Variants in STIL observed in about 807,000 individuals in gnomAD.
STIL encodes the protein STIL centriolar assembly protein, also known as SCL-interrupting locus protein.
In STIL, 55 loss-of-function variants were observed where a neutral mutation model predicts 110.1. The ratio of observed to expected loss-of-function variants is 0.50; its 90% CI spans 0.40 to 0.63. STIL has a LOEUF of 0.63. Among genes scored for constraint, STIL ranks in the 20% least tolerant of loss-of-function variants. The pLI is 0.00. For synonymous variants in STIL, 481 were observed against 530.0 expected, an observed-to-expected ratio of 0.91 and a Z score of 1.27; for missense variants, 1,358 against 1,530.0, an observed-to-expected ratio of 0.89 and a Z score of 1.87.
At chr1:47,252,264 C>T (rs1644205901) in intron 16 of STIL, among the ~76,000 whole-genome samples, 1 of 152,106 alleles carries the variant, frequency 6.6e-6, no homozygotes, top group African/African-American at 2.4e-5. Context: ...CATTTATAGT[C>T]CCAACTACTC....
intron 13 of STIL, among the ~76,000 whole-genome samples, chr1:47,270,951 T>C (rs937982748): frequency 5.3e-5 from 8 of 152,144 alleles, no homozygotes; most frequent in Non-Finnish European, 8.8e-5. Context: ...AGTGCAAACA[T>C]TATAGGCATG....
At chr1:47,286,852 G>C (rs1390332643) in intron 10 of STIL, among the ~76,000 whole-genome samples, 1 of 152,044 alleles carries the variant, frequency 6.6e-6, no homozygotes, top group African/African-American at 2.4e-5. Flanking sequence ...TTTCCTATGT[G>C]ATTTCTCTAC....
At chr1:47,255,058 G>C (rs2148660727) in intron 16 of STIL, among the ~76,000 whole-genome samples, 1 of 151,808 alleles carries the variant, frequency 6.6e-6, no homozygotes, top group East Asian at 1.9e-4. Flanking sequence ...TCAGGAGCCT[G>C]AGGCAGGAGG....
rs1220143025 is a variant in STIL at position 47,300,056 on chromosome 1, C to T, written c.550G>A (p.Val184Met). The T allele has an allele frequency of 6.2e-7, 1 of 1,614,146 alleles. No homozygotes were observed. Among genetic ancestry groups the T allele is most frequent in the Admixed American group, 1.7e-5 (1 of 60,006 alleles). ...HITSRESLDS[V>M]EFDLHWAAVT... ...GCTGCCCAATGCAAGTCAAATTCCA[C>T]ACTGTCCAAACTCTCCCTGGAAGTG... Residue 184 changes from valine (V) to methionine (M), a missense_variant, in exon 6 of 17, where the codon GTG becomes ATG. Physicochemically the swap from Val to Met is conservative, Grantham distance 21. Coordinates refer to ENST00000371877, the MANE Select transcript of STIL (RefSeq NM_001048166.1).
chr1:47,306,529 T>A (rs1645966186), intron 2 of STIL, among the ~76,000 whole-genome samples: 2 of 152,240 alleles, frequency 1.3e-5, no homozygotes, highest in South Asian at 4.1e-4. Context: ...ACTGGGATTA[T>A]AGGCATGAGC....
intron 14 of STIL, among the ~76,000 whole-genome samples, chr1:47,269,088 CAAAA>C (rs60406768): frequency 1.8e-5 from 2 of 108,334 alleles, no homozygotes; most frequent in Non-Finnish European, 1.9e-5. Flanking sequence ...GGGACTCCGT[CAAAA>C]AAAAAAAAAA....
intron 16 of STIL, among the ~76,000 whole-genome samples, chr1:47,254,113 G>A (rs545285463): frequency 4.2e-4 from 62 of 146,990 alleles, no homozygotes; most frequent in Middle Eastern, 3.7e-3. Flanking sequence ...CACAGGAGGC[G>A]GAGGTTGCAG....
rs142111425 is a variant in STIL, at chr1:47,252,110, G to C, written c.3081-188C>G. On this transcript the variant is annotated intron_variant, in intron 16 of 16. Transcript: ENST00000371877. ...AAAGGATACATATGGGCTGGGTATA[G>C]TGGCCCAAGCCTCCAATCCCAGCAG... Among the ~76,000 whole-genome samples, 227 of 152,366 alleles carry C rather than the reference G, an allele frequency of 1.5e-3. 1 individual carries two copies. Among genetic ancestry groups the C allele is most frequent in the African/African-American group, 5.3e-3 (222 of 41,588 alleles).
rs1378603897 is a variant in STIL at position 47,272,794 on chromosome 1, T to C, written c.2218-553A>G. On this transcript the variant is annotated intron_variant, in intron 12 of 16. Coordinates refer to ENST00000371877, the MANE Select transcript of STIL (RefSeq NM_001048166.1). ...CATGTAAAAAAGTGTGAATGGTTAA[T>C]ACTTCAAACTAACATTATATTCCTA... Among the ~76,000 whole-genome samples the C allele has an allele frequency of 2.6e-5, 4 of 152,230 alleles. 1 individual carries two copies. Among genetic ancestry groups the C allele is most frequent in the Non-Finnish European group, 5.9e-5 (4 of 68,034 alleles).
At chr1:47,281,865 T>C (rs987999640) in intron 11 of STIL, among the ~76,000 whole-genome samples, 1 of 152,140 alleles carries the variant, frequency 6.6e-6, no homozygotes, top group Non-Finnish European at 1.5e-5. Flanking sequence ...AAAAAAATTA[T>C]GACAAGAATT....
Position 47,288,892 on chromosome 1 carries a change from CAAAA to C in STIL, c.1023+539_1023+542del, listed in dbSNP as rs138649605. Among the ~76,000 whole-genome samples the C allele has an allele frequency of 2.7e-4, 26 of 94,768 alleles. No homozygotes were observed. In the East Asian group the frequency reaches 5.3e-3, roughly 19 times the overall value. 62.2% of individuals were successfully genotyped at this position (94,768 alleles called of 152,430 possible). ...TGAAACTCCCTCTCTAATGAAAATACAAAAAAAAAAAAAAAAAAAAATAGCCAGG... is the reference window on the plus strand; with the variant it reads ...TGAAACTCCCTCTCTAATGAAAATACAAAAAAAAAAAAAAAAATAGCCAGG... On this transcript the variant is annotated intron_variant, in intron 9 of 16. Coordinates refer to ENST00000371877, the MANE Select transcript of STIL (RefSeq NM_001048166.1).
Sources: allele counts gnomAD v4.1 joint callset (sites outside exome capture counted in the v4.1 genomes callset), GRCh38; gene constraint gnomAD v4.1.1; transcripts MANE v1.5; gene names NCBI Gene and HGNC (gene_info 2026-07-23, HGNC 2026-07-21).